ANK3: variants seen among roughly 807,000 people sequenced by gnomAD.
ANK3 encodes ankyrin-3.
A neutral mutation model predicts 370.9 loss-of-function variants in ANK3; 57 were observed. That is an observed-to-expected ratio of 0.15 (90% CI 0.12 to 0.19). The LOEUF is 0.19. Ranked by LOEUF, ANK3 falls within the 10% of genes least tolerant of loss-of-function variation. The probability of loss-of-function intolerance (pLI) is 1.00; values close to 1 mark genes in which losing one functional copy is unlikely to be tolerated. For synonymous variants in ANK3, 1,929 were observed against 1,946.3 expected, an observed-to-expected ratio of 0.99 and a Z score of 0.23; for missense variants, 4,439 against 5,302.1, an observed-to-expected ratio of 0.84 and a Z score of 5.06.
chr10:60,226,588 T>C (rs1191389189), intron 8 of ANK3, among the ~76,000 whole-genome samples: 1 of 90,514 alleles, frequency 1.1e-5, no homozygotes, highest in Non-Finnish European at 2.1e-5. Flanking sequence ...ATATACTATG[T>C]ATATATACTA....
In ANK3 at chr10:60,196,553, T is replaced by A. The variant is rs749260486; in HGVS notation, c.1762A>T (p.Ser588Cys). The A allele has an allele frequency of 6.2e-7, 1 of 1,613,604 alleles. No individual in the cohort carries two copies. Residue 588 changes from serine (S) to cysteine (C), a missense_variant, in exon 15 of 44, where the codon AGT becomes TGT. Coordinates refer to ENST00000280772, the MANE Select transcript of ANK3 (RefSeq NM_020987.5). ...LEVANLLLQK[S>C]ASPDAAGKSG... ...TTCCCAGCAGCATCTGGAGATGCACTTTTCTGTAGCAGGAGATTGGCGACT... is the reference window on the plus strand; with the variant it reads ...TTCCCAGCAGCATCTGGAGATGCACATTTCTGTAGCAGGAGATTGGCGACT...
chr10:60,052,326 TCAACAA>T (rs533908310), intron 42 of ANK3, among the ~76,000 whole-genome samples: 112 of 152,146 alleles, frequency 7.4e-4, no homozygotes, highest in African/African-American at 2.1e-3. Context: ...AGACTCCGTC[TCAACAA>T]CAACAACAAC....
intron 1 of ANK3, among the ~76,000 whole-genome samples, chr10:60,700,049 C>T (rs1341218121): frequency 9.9e-5 from 15 of 152,090 alleles, no homozygotes; most frequent in Admixed American, 9.2e-4. Context: ...CATTTCTATA[C>T]CATCACCTCT....
At chr10:60,332,770 G>A (rs755109516) in intron 1 of ANK3, among the ~76,000 whole-genome samples, 15 of 152,248 alleles carry the variant, frequency 9.9e-5, no homozygotes, top group African/African-American at 2.4e-4. Flanking sequence ...GCTCTGTTCC[G>A]CCTCTGAAAT....
At chr10:60,598,313 G>A (rs757508778) in intron 2 of ANK3, among the ~76,000 whole-genome samples, 2 of 152,148 alleles carry the variant, frequency 1.3e-5, no homozygotes, top group Non-Finnish European at 2.9e-5. Context: ...TTCTTTAAAA[G>A]TTTATTAAAG....
At chr10:60,249,829 C>T (rs1029659060) in intron 7 of ANK3, among the ~76,000 whole-genome samples, 13 of 152,270 alleles carry the variant, frequency 8.5e-5, no homozygotes, top group Non-Finnish European at 1.9e-4. Flanking sequence ...CGTGCTGACT[C>T]TCCCCACAAC....
chr10:60,453,078 T>C (rs2064652972), intron 2 of ANK3, among the ~76,000 whole-genome samples: 1 of 152,194 alleles, frequency 6.6e-6, no homozygotes, highest in Non-Finnish European at 1.5e-5. Context: ...CTAGGGGAAG[T>C]TGCACAGTGG....
intron 21 of ANK3, 57 bp downstream of exon 21, chr10:60,172,251 A>G (rs956964622): frequency 7.0e-5 from 99 of 1,416,096 alleles, no homozygotes; most frequent in Non-Finnish European, 9.3e-5. Context: ...GAAAAACCCA[A>G]GAAAACTGGC....
chr10:60,218,184 T>C (rs564091674), intron 8 of ANK3, among the ~76,000 whole-genome samples: 3 of 150,690 alleles, frequency 2.0e-5, no homozygotes, highest in Non-Finnish European at 4.4e-5. Flanking sequence ...TCTTTGCACA[T>C]GAGATGGGCT....
At chr10:60,180,470 C>A (rs1476825807) in intron 18 of ANK3, among the ~76,000 whole-genome samples, 6 of 150,086 alleles carry the variant, frequency 4.0e-5, no homozygotes, top group Admixed American at 4.0e-4. Flanking sequence ...GTGGCACATG[C>A]CTGTAGTCCC....
chr10:60,300,264 A>G, intron 1 of ANK3: 1 of 1,104,002 alleles, frequency 9.1e-7, no homozygotes, highest in African/African-American at 1.6e-5. Flanking sequence ...TATTCAGGGC[A>G]AAACAGAACT....
intron 20 of ANK3, 141 bp from the exon 21 acceptor site, chr10:60,172,544 G>A: frequency 2.8e-6 from 2 of 703,300 alleles, no homozygotes; most frequent in South Asian, 1.8e-5. Context: ...GACATACCTT[G>A]CACAAAACCC....
At chr10:60,337,244 C>T (rs2053210172) in intron 1 of ANK3, among the ~76,000 whole-genome samples, 1 of 152,064 alleles carries the variant, frequency 6.6e-6, no homozygotes. Context: ...ACTAGTTCCC[C>T]AGCCCCATGA....
intron 1 of ANK3, chr10:60,300,373 A>G (rs997067802): frequency 2.3e-6 from 3 of 1,289,782 alleles, no homozygotes; most frequent in Non-Finnish European, 3.0e-6. Context: ...GCCAAGTAAG[A>G]AACCTGATAA....
At chr10:60,329,498 C>T (rs1019346505) in intron 1 of ANK3, among the ~76,000 whole-genome samples, 11 of 152,072 alleles carry the variant, frequency 7.2e-5, no homozygotes, top group African/African-American at 2.7e-4. Flanking sequence ...AATAGACAAA[C>T]ATAAAGCCAA....
At chr10:60,317,204 G>A (rs2047636571) in intron 1 of ANK3, among the ~76,000 whole-genome samples, 1 of 152,056 alleles carries the variant, frequency 6.6e-6, no homozygotes, top group African/African-American at 2.4e-5. Context: ...ACAGTGGTGC[G>A]ATGTCTGCCT....
chr10:60,091,964 C>T (rs530826758), intron 28 of ANK3, among the ~76,000 whole-genome samples: 2 of 152,190 alleles, frequency 1.3e-5, no homozygotes, highest in South Asian at 2.1e-4. Context: ...CTCTTGACCT[C>T]GTGATCTGCC....
intron 2 of ANK3, among the ~76,000 whole-genome samples, chr10:60,488,729 C>T (rs1010708813): frequency 1.3e-5 from 2 of 152,118 alleles, no homozygotes; most frequent in African/African-American, 4.8e-5. Context: ...AAGTTTCATC[C>T]ACGTGATAGA....
intron 2 of ANK3, among the ~76,000 whole-genome samples, chr10:60,488,897 A>C (rs2075418961): frequency 6.6e-6 from 1 of 152,246 alleles, no homozygotes; most frequent in Non-Finnish European, 1.5e-5. Context: ...TCAAATAATT[A>C]ATCTTATTTG....
Sources: gnomAD v4.1 joint callset for allele counts (sites outside exome capture counted in the v4.1 genomes callset) on GRCh38, gnomAD v4.1.1 for gene constraint, MANE v1.5 for transcripts, NCBI Gene and HGNC (gene_info 2026-07-23, HGNC 2026-07-21) for gene names.